Variants in NETO1 observed in about 807,000 individuals in gnomAD.
NETO1 encodes the protein neuropilin and tolloid-like protein 1.
A neutral mutation model predicts 61.3 loss-of-function variants in NETO1; 26 were observed. The ratio of observed to expected loss-of-function variants is 0.42; its 90% CI spans 0.31 to 0.59. The LOEUF is 0.59. Ranked by LOEUF, NETO1 falls within the 20% of genes least tolerant of loss-of-function variation. The pLI is 0.12. For synonymous variants in NETO1, 225 were observed against 225.8 expected (o/e 1.00, Z 0.03); for missense variants, 531 against 662.8 (o/e 0.80, Z 2.18).
At chr18:72,802,487 G>A (rs1436337028) in intron 4 of NETO1, among the ~76,000 whole-genome samples, 2 of 152,260 alleles carry the variant, frequency 1.3e-5, no homozygotes, top group East Asian at 1.9e-4. Flanking sequence ...ATGAACGGAT[G>A]TACAAACTTG....
In NETO1 at chr18:72,858,812, A is replaced by T; in HGVS notation, c.469+14T>A. 6.4e-7 allele frequency: 1 copy of T among 1,572,014 alleles called. No homozygotes were observed. Among genetic ancestry groups the T allele is most frequent in the Admixed American group, 2.1e-5 (1 of 48,676 alleles). The stretch of plus-strand genomic sequence containing the variant: ...AGGAAGAAAAAGAAATTTTTTTTTT[A>T]AGTACTTACTTACCAGGTGTGAAAT... On this transcript the variant is annotated intron_variant, in intron 4 of 10. Transcript: ENST00000327305.
rs1174768239 is a variant in NETO1, at chr18:72,867,557, T to G, written c.-266A>C. The G allele has an allele frequency of 2.0e-5, 7 of 351,104 alleles. No individual in the cohort carries two copies. The highest frequency in any genetic ancestry group is 2.5e-5 in the Non-Finnish European group (5 of 196,644). The allele number at this position is 351,104 out of a possible 1,614,324, so 21.7% of individuals were successfully genotyped here. ...CGCGCAGCCAGCAGCATCCCCACCG[T>G]GACGCTCGCATCACACCCGGGCGCC... On this transcript the variant is annotated 5_prime_UTR_variant, in exon 1 of 11. Coordinates refer to ENST00000327305, the MANE Select transcript of NETO1 (RefSeq NM_138966.5).
At chr18:72,841,607 G>A (rs894352628) in intron 4 of NETO1, among the ~76,000 whole-genome samples, 2 of 151,642 alleles carry the variant, frequency 1.3e-5, no homozygotes, top group Admixed American at 6.6e-5. Flanking sequence ...GGTAGTGTGC[G>A]CCTGTAGTCC....
chr18:72,804,157 G>A (rs2072598741), intron 4 of NETO1, among the ~76,000 whole-genome samples: 1 of 151,862 alleles, frequency 6.6e-6, no homozygotes, highest in Non-Finnish European at 1.5e-5. Flanking sequence ...AGTTTAAATG[G>A]CTAATATAAT....
At chr18:72,763,327 T>A (rs2071042631) in intron 7 of NETO1, among the ~76,000 whole-genome samples, 1 of 152,158 alleles carries the variant, frequency 6.6e-6, no homozygotes, top group Non-Finnish European at 1.5e-5. Flanking sequence ...GAAAACGAAG[T>A]GATCCTTGAT....
At chr18:72,755,651 G>C (rs1297283391) in intron 8 of NETO1, among the ~76,000 whole-genome samples, 1 of 152,058 alleles carries the variant, frequency 6.6e-6, no homozygotes, top group Admixed American at 6.6e-5. Flanking sequence ...TTTATCTCTA[G>C]AGTATGTACA....
At chr18:72,763,554 TCACA>T (rs1228892740) in intron 7 of NETO1, among the ~76,000 whole-genome samples, 1 of 151,942 alleles carries the variant, frequency 6.6e-6, no homozygotes, top group Non-Finnish European at 1.5e-5. Context: ...ACAGGCTGTC[TCACA>T]CACAGAGTCA....
At chr18:72,755,014 C>T (rs10871705) in intron 8 of NETO1, among the ~76,000 whole-genome samples, 109,726 of 152,030 alleles carry the variant, frequency 0.72, 39,926 homozygotes, top group African/African-American at 0.78. Context: ...GAATTAAAGG[C>T]TAAAGGAATC....
chr18:72,801,929 T>C (rs2072520818), intron 4 of NETO1, among the ~76,000 whole-genome samples: 1 of 152,132 alleles, frequency 6.6e-6, no homozygotes, highest in Non-Finnish European at 1.5e-5. Flanking sequence ...ACACCATCTA[T>C]TTCTAAATTA....
At chr18:72,838,632 C>G (rs892354129) in intron 4 of NETO1, among the ~76,000 whole-genome samples, 7 of 152,196 alleles carry the variant, frequency 4.6e-5, no homozygotes, top group Non-Finnish European at 1.0e-4. Context: ...TTGTATGCTT[C>G]TAAACCCTAA....
At chr18:72,818,814 T>G (rs76654615) in intron 4 of NETO1, among the ~76,000 whole-genome samples, 2,672 of 152,298 alleles carry the variant, frequency 0.018, 63 homozygotes, top group East Asian at 0.06. Flanking sequence ...ACAAGCAACA[T>G]GTTCTTTTAA....
chr18:72,835,376 G>A, intron 4 of NETO1: 1 of 1,440,898 alleles, frequency 6.9e-7, no homozygotes, highest in Non-Finnish European at 9.6e-7. Context: ...GATCAGGCAT[G>A]AATTGTAGGA....
chr18:72,812,855 C>T (rs1166013228), intron 4 of NETO1, among the ~76,000 whole-genome samples: 1 of 152,198 alleles, frequency 6.6e-6, no homozygotes, highest in East Asian at 1.9e-4. Context: ...CCTGTCAGAA[C>T]AAACTACCTC....
intron 4 of NETO1, chr18:72,835,088 A>G (rs2073700798): frequency 1.8e-6 from 2 of 1,113,622 alleles, no homozygotes; most frequent in Non-Finnish European, 2.2e-6. Context: ...CTGGGTTTCA[A>G]GGTAGGAGTT....
intron 4 of NETO1, among the ~76,000 whole-genome samples, chr18:72,832,819 G>C (rs1003695378): frequency 6.6e-6 from 1 of 152,152 alleles, no homozygotes; most frequent in Non-Finnish European, 1.5e-5. Context: ...ATGTATAGTA[G>C]AGCAGTGTAA....
intron 8 of NETO1, chr18:72,752,107 A>G (rs957162570): frequency 1.3e-5 from 2 of 152,180 alleles, no homozygotes; most frequent in African/African-American, 4.8e-5. Flanking sequence ...GTGTCTTAAG[A>G]GCCATAAGAC....
chr18:72,797,932 A>T (rs1169240618), intron 4 of NETO1, among the ~76,000 whole-genome samples: 1 of 152,194 alleles, frequency 6.6e-6, no homozygotes, highest in Non-Finnish European at 1.5e-5. Flanking sequence ...TTCAAATATT[A>T]TATTCTCAGA....
chr18:72,859,892 C>A (rs2074517070), intron 3 of NETO1, among the ~76,000 whole-genome samples: 1 of 151,234 alleles, frequency 6.6e-6, no homozygotes, highest in South Asian at 2.1e-4. Context: ...CACCTTCTTT[C>A]TCAGAGCTTA....
intron 1 of NETO1, among the ~76,000 whole-genome samples, chr18:72,865,975 T>G (rs2145703564): frequency 6.6e-6 from 1 of 152,324 alleles, no homozygotes; most frequent in South Asian, 2.1e-4. Flanking sequence ...TTGGGTCAGG[T>G]TTCCAGTGTC....
Sources: allele counts gnomAD v4.1 joint callset (sites outside exome capture counted in the v4.1 genomes callset), GRCh38; gene constraint gnomAD v4.1.1; transcripts MANE v1.5; gene names NCBI Gene and HGNC (gene_info 2026-07-23, HGNC 2026-07-21).